The following STK26 variants were observed in gnomAD, a reference collection of about 807,000 sequenced individuals.
STK26 encodes serine/threonine kinase 26, also known as serine/threonine-protein kinase 26.
In STK26, 14 loss-of-function variants were observed where a neutral mutation model predicts 34.7. That is an observed-to-expected ratio of 0.40 (90% CI 0.27 to 0.63). STK26 has a LOEUF of 0.63. Ranked by LOEUF, STK26 falls within the 30% of genes least tolerant of loss-of-function variation. The pLI, the probability that STK26 is intolerant of heterozygous loss-of-function variation, is 0.38. For missense variants in STK26, 226 were observed against 309.1 expected, an observed-to-expected ratio of 0.73 and a Z score of 2.02; for synonymous variants, 100 against 109.8, an observed-to-expected ratio of 0.91 and a Z score of 0.56.
intron 2 of STK26, among the ~76,000 whole-genome samples, chrX:132,027,391 T>C (rs1296268857): frequency 8.9e-6 from 1 of 112,504 alleles, no homozygotes; most frequent in Non-Finnish European, 1.9e-5. Context: ...ACGTTTAAGG[T>C]AGGCTAAGCT....
chrX:132,065,294 A>C (rs989960272), intron 4 of STK26, among the ~76,000 whole-genome samples: 5 of 111,860 alleles, frequency 4.5e-5, no homozygotes, highest in Admixed American at 9.5e-5. Context: ...CATTAGCTCT[A>C]CAAGAAGCCT....
chrX:132,050,791 C>G (rs1926660730), intron 2 of STK26, among the ~76,000 whole-genome samples: 1 of 111,698 alleles, frequency 9.0e-6, no homozygotes, highest in Non-Finnish European at 1.9e-5. Flanking sequence ...TTAGATGAGA[C>G]CCATATGCTT....
At chrX:132,032,197 A>G (rs1371230740) in intron 2 of STK26, among the ~76,000 whole-genome samples, 1 of 111,361 alleles carries the variant, frequency 9.0e-6, no homozygotes, top group African/African-American at 3.3e-5. Flanking sequence ...TTATCATAGC[A>G]TCGTGGATGA....
intron 2 of STK26, among the ~76,000 whole-genome samples, chrX:132,041,135 ACAAC>A (rs1346024822): frequency 3.6e-5 from 4 of 111,666 alleles, no homozygotes; most frequent in Admixed American, 9.6e-5. Context: ...TACTTAAAAC[ACAAC>A]CTTTATTTTT....
intron 4 of STK26, among the ~76,000 whole-genome samples, chrX:132,066,170 T>C (rs1315772653): frequency 3.6e-5 from 4 of 112,241 alleles, no homozygotes; most frequent in Non-Finnish European, 5.6e-5. Flanking sequence ...ATTTATTGTA[T>C]GTGAGCAGAC....
chrX:132,040,222 G>A (rs1470706583), intron 2 of STK26, among the ~76,000 whole-genome samples: 2 of 112,908 alleles, frequency 1.8e-5, no homozygotes, highest in Non-Finnish European at 3.7e-5. Context: ...AAGGTTTGCC[G>A]ATCCCTGCCT....
chrX:132,027,733 T>C (rs759591769), intron 2 of STK26, among the ~76,000 whole-genome samples: 2 of 112,065 alleles, frequency 1.8e-5, no homozygotes, highest in Non-Finnish European at 3.8e-5. Context: ...TAAACATTTC[T>C]GAGTAAGGGA....
Position 132,074,132 on chromosome X carries a change from T to C in STK26, c.1227-3T>C, listed in dbSNP as rs1330144555. 2.5e-6 allele frequency: 3 copies of C among 1,201,602 alleles called. No individual in the cohort carries two copies. The African/African-American group carries it at 5.3e-5, about 21-fold the overall frequency. ...TGGTTTAAATTTTTTAAAAATTTTA[T>C]AGGTGTTCAGCAGACGAATCCCCCT... On this transcript the variant is annotated splice_polypyrimidine_tract_variant and splice_region_variant and intron_variant, in intron 11 of 11. Transcript: ENST00000394334.
chrX:132,033,622 T>G (rs1353270648), intron 2 of STK26, among the ~76,000 whole-genome samples: 2 of 111,906 alleles, frequency 1.8e-5, no homozygotes, highest in East Asian at 5.6e-4. Context: ...TACATTGGAC[T>G]TTACCAGCTT....
intron 2 of STK26, among the ~76,000 whole-genome samples, chrX:132,051,180 C>T (rs1383954075): frequency 8.9e-6 from 1 of 112,052 alleles, no homozygotes; most frequent in Non-Finnish European, 1.9e-5. Context: ...GTTCACCTAA[C>T]ATTGTTTCCT....
In STK26 at chrX:132,062,584, C is replaced by T. The variant is rs183523492; in HGVS notation, c.274-849C>T. On this transcript the variant is annotated intron_variant, in intron 3 of 11. Coordinates refer to ENST00000394334, the MANE Select transcript of STK26 (RefSeq NM_016542.4). ...GTGTGTGCCAAAAATGCCCATTAAC[C>T]GTAGCTGATAAAAGTTTGAAGTACA... Among the ~76,000 whole-genome samples, 6 of 111,585 alleles carry T rather than the reference C, an allele frequency of 5.4e-5. No homozygotes were observed. In the East Asian group the frequency reaches 1.1e-3, roughly 21 times the overall value.
intron 2 of STK26, among the ~76,000 whole-genome samples, chrX:132,028,433 T>G (rs1925693767): frequency 9.0e-6 from 1 of 111,541 alleles, no homozygotes; most frequent in Non-Finnish European, 1.9e-5. Flanking sequence ...GACTTGTGAA[T>G]TTTGTGGTAA....
At chrX:132,033,118 G>A (rs987501315) in intron 2 of STK26, among the ~76,000 whole-genome samples, 2 of 111,017 alleles carry the variant, frequency 1.8e-5, no homozygotes, top group Non-Finnish European at 3.8e-5. Flanking sequence ...TGGGTGGTGG[G>A]GGTGGGATGG....
intron 2 of STK26, among the ~76,000 whole-genome samples, chrX:132,031,179 C>T (rs1255722061): frequency 9.0e-6 from 1 of 111,405 alleles, no homozygotes; most frequent in Non-Finnish European, 1.9e-5. Context: ...CCCAAGCGAT[C>T]CCCCATGCTT....
chrX:132,065,248 G>T (rs1474130915), intron 4 of STK26, among the ~76,000 whole-genome samples: 1 of 111,801 alleles, frequency 8.9e-6, no homozygotes, highest in African/African-American at 3.3e-5. Context: ...ATTTCTATTT[G>T]TCTTGTCACA....
chrX:132,050,905 AATG>A (rs945294433), intron 2 of STK26, among the ~76,000 whole-genome samples: 2 of 111,686 alleles, frequency 1.8e-5, no homozygotes, highest in Non-Finnish European at 3.8e-5. Flanking sequence ...CTAGTGTTCA[AATG>A]ACTACACAGG....
At chrX:132,037,818 G>T (rs962955482) in intron 2 of STK26, among the ~76,000 whole-genome samples, 2 of 83,683 alleles carry the variant, frequency 2.4e-5, no homozygotes, top group Admixed American at 1.3e-4. Flanking sequence ...CATGAAAAAT[G>T]GTGACTGTCA....
intron 9 of STK26, among the ~76,000 whole-genome samples, chrX:132,072,608 T>A (rs892271821): frequency 9.0e-6 from 1 of 111,672 alleles, no homozygotes; most frequent in Non-Finnish European, 1.9e-5. Context: ...CAGGGAATCA[T>A]AGGTATCTAT....
chrX:132,058,231 T>TGTGTGTGTGTGC (rs1227881754), intron 3 of STK26, among the ~76,000 whole-genome samples: 1 of 106,720 alleles, frequency 9.4e-6, no homozygotes, highest in Non-Finnish European at 1.9e-5. Context: ...TGGTGGTACA[T>TGTGTGTGTGTGC]GTGTGTGTGT....
Sources: gnomAD v4.1 joint callset for allele counts (sites outside exome capture counted in the v4.1 genomes callset) on GRCh38, gnomAD v4.1.1 for gene constraint, MANE v1.5 for transcripts, NCBI Gene and HGNC (gene_info 2026-07-23, HGNC 2026-07-21) for gene names.